The following RAP1A variants were observed in gnomAD, a reference collection of about 807,000 sequenced individuals.
The protein encoded by RAP1A is RAP1A, member of RAS oncogene family.
A neutral mutation model predicts 26.4 loss-of-function variants in RAP1A; 6 were observed. The observed-to-expected ratio is 0.23, with a 90% confidence interval of 0.12 to 0.45. The LOEUF is 0.45. RAP1A is among the 20% of genes least tolerant of loss of function. The pLI is 0.99. For missense variants in RAP1A, 121 were observed against 217.2 expected, an observed-to-expected ratio of 0.56 and a Z score of 2.78; for synonymous variants, 73 against 79.4, an observed-to-expected ratio of 0.92 and a Z score of 0.43.
intron 1 of RAP1A, among the ~76,000 whole-genome samples, chr1:111,561,270 C>T (rs914103491): frequency 9.9e-5 from 15 of 152,180 alleles, no homozygotes; most frequent in Non-Finnish European, 1.5e-5. Flanking sequence ...AGTACAAGTG[C>T]ACACCACCAC....
At chr1:111,627,293 A>G (rs1353907420) in intron 1 of RAP1A, among the ~76,000 whole-genome samples, 1 of 152,154 alleles carries the variant, frequency 6.6e-6, no homozygotes, top group East Asian at 1.9e-4. Context: ...ACTTAGAATT[A>G]TAACTTTATA....
intron 1 of RAP1A, among the ~76,000 whole-genome samples, chr1:111,586,562 A>G (rs149954713): frequency 2.6e-5 from 4 of 152,346 alleles, no homozygotes; most frequent in Non-Finnish European, 4.4e-5. Flanking sequence ...CACCCTGGGC[A>G]ACAGAGTGAG....
chr1:111,698,005 A>C (rs896528996), intron 4 of RAP1A, among the ~76,000 whole-genome samples: 9 of 152,120 alleles, frequency 5.9e-5, no homozygotes, highest in Non-Finnish European at 1.3e-4. Context: ...ATGTTAGTAC[A>C]TCATAAGGTG....
intron 1 of RAP1A, among the ~76,000 whole-genome samples, chr1:111,665,537 G>A (rs1004958327): frequency 6.6e-5 from 10 of 152,060 alleles, no homozygotes; most frequent in Non-Finnish European, 1.3e-4. Flanking sequence ...CAAATTTTTT[G>A]TTTGTCTGCA....
chr1:111,545,099 T>C lies in RAP1A; in HGVS notation c.-28+2590T>C, dbSNP rs139468660. Among the ~76,000 whole-genome samples, 1,316 of 147,648 alleles carry C rather than the reference T, an allele frequency of 8.9e-3. 25 individuals carry two copies. Among genetic ancestry groups the C allele is most frequent in the African/African-American group, 0.033 (1,260 of 38,572 alleles). ...TTTGGTACATACCCAATTTCTTGGGTATATCCAATTTGGTATATACCCAAT... is the reference window on the plus strand; with the variant it reads ...TTTGGTACATACCCAATTTCTTGGGCATATCCAATTTGGTATATACCCAAT... On this transcript the variant is annotated intron_variant, in intron 1 of 7. Transcript: ENST00000356415.
At chr1:111,603,341 A>T (rs1195409230) in intron 1 of RAP1A, among the ~76,000 whole-genome samples, 1 of 152,190 alleles carries the variant, frequency 6.6e-6, no homozygotes, top group Non-Finnish European at 1.5e-5. Flanking sequence ...GTATGTGGGA[A>T]GGGTAATGAC....
At chr1:111,636,197 A>C (rs901853378) in intron 1 of RAP1A, among the ~76,000 whole-genome samples, 1 of 152,104 alleles carries the variant, frequency 6.6e-6, no homozygotes, top group Non-Finnish European at 1.5e-5. Flanking sequence ...TTTATTACCC[A>C]ACAGTGACGT....
chr1:111,577,580 C>A (rs1299905805), intron 1 of RAP1A, among the ~76,000 whole-genome samples: 3 of 151,956 alleles, frequency 2.0e-5, no homozygotes, highest in Non-Finnish European at 4.4e-5. Flanking sequence ...GGGCTTCATT[C>A]AGACTGTAAG....
chr1:111,627,457 T>C (rs1659434875), intron 1 of RAP1A: 1 of 152,130 alleles, frequency 6.6e-6, no homozygotes, highest in African/African-American at 2.4e-5. Flanking sequence ...CTGTTTTTTT[T>C]TTCTTCCTGT....
At chr1:111,635,967 A>G (rs1291332042) in intron 1 of RAP1A, among the ~76,000 whole-genome samples, 6 of 152,148 alleles carry the variant, frequency 3.9e-5, no homozygotes, top group Non-Finnish European at 5.9e-5. Context: ...AACCCTGTGT[A>G]TTCCCCATTA....
chr1:111,591,728 C>G (rs866228379), intron 1 of RAP1A, among the ~76,000 whole-genome samples: 2 of 152,126 alleles, frequency 1.3e-5, no homozygotes, highest in Non-Finnish European at 2.9e-5. Context: ...AGACCTGGAT[C>G]CTTCTATCTT....
chr1:111,640,686 A>G (rs1190867418), intron 1 of RAP1A, among the ~76,000 whole-genome samples: 4 of 152,176 alleles, frequency 2.6e-5, no homozygotes, highest in Non-Finnish European at 5.9e-5. Context: ...TTGACCAGGC[A>G]TGGTGGCTCC....
At chr1:111,644,647 C>T (rs1423764247) in intron 1 of RAP1A, among the ~76,000 whole-genome samples, 1 of 152,222 alleles carries the variant, frequency 6.6e-6, no homozygotes, top group Admixed American at 6.5e-5. Flanking sequence ...AAGATATCCA[C>T]TTCGCCAACT....
At chr1:111,631,006 T>C (rs1659550427) in intron 1 of RAP1A, among the ~76,000 whole-genome samples, 1 of 152,168 alleles carries the variant, frequency 6.6e-6, no homozygotes, top group East Asian at 1.9e-4. Context: ...TCTGCAGAGA[T>C]AGGAAGGAAT....
chr1:111,648,309 C>A, intron 1 of RAP1A: 1 of 974,278 alleles, frequency 1.0e-6, no homozygotes, highest in South Asian at 1.3e-5. Flanking sequence ...ACTTTGGTGT[C>A]ATTGGTCTCA....
chr1:111,560,546 T>A (rs947497783), intron 1 of RAP1A, among the ~76,000 whole-genome samples: 1 of 151,242 alleles, frequency 6.6e-6, no homozygotes, highest in Non-Finnish European at 1.5e-5. Context: ...TGGAGTGCAA[T>A]GGCACGATCA....
At chr1:111,603,511 G>A (rs1307903213) in intron 1 of RAP1A, among the ~76,000 whole-genome samples, 2 of 152,224 alleles carry the variant, frequency 1.3e-5, no homozygotes, top group Non-Finnish European at 2.9e-5. Context: ...GTTCTGGGGT[G>A]CACTGAAGAT....
chr1:111,614,899 T>C (rs1264963907), upstream of RAP1A, among the ~76,000 whole-genome samples: 1 of 152,150 alleles, frequency 6.6e-6, no homozygotes, highest in Non-Finnish European at 1.5e-5. Context: ...ATACACAAAA[T>C]GCACTATAAA....
intron 1 of RAP1A, among the ~76,000 whole-genome samples, chr1:111,635,989 C>T (rs769637981): frequency 2.0e-5 from 3 of 152,134 alleles, no homozygotes; most frequent in East Asian, 1.9e-4. Flanking sequence ...TTAAGTGGGA[C>T]GGTTAGTTCC....
Sources: gnomAD v4.1 joint callset for allele counts (sites outside exome capture counted in the v4.1 genomes callset) on GRCh38, gnomAD v4.1.1 for gene constraint, MANE v1.5 for transcripts, NCBI Gene and HGNC (gene_info 2026-07-23, HGNC 2026-07-21) for gene names.